Variants in LRRTM4 observed in about 807,000 individuals in gnomAD.
The protein encoded by LRRTM4 is leucine-rich repeat transmembrane neuronal protein 4.
LRRTM4 carries 25 observed loss-of-function variants against 47.6 expected under a neutral mutation model. The observed-to-expected ratio is 0.53, with a 90% CI of 0.38 to 0.73. The LOEUF (loss-of-function observed/expected upper bound fraction) is 0.73. Among genes scored for constraint, LRRTM4 ranks in the 30% least tolerant of loss-of-function variants. The probability of loss-of-function intolerance (pLI) is 0.00; values close to 1 mark genes in which losing one functional copy is unlikely to be tolerated. For synonymous variants in LRRTM4, 311 were observed against 269.5 expected, an observed-to-expected ratio of 1.15 and a Z score of -1.51; for missense variants, 638 against 713.4, an observed-to-expected ratio of 0.89 and a Z score of 1.20.
chr2:77,316,799 G>T (rs903040671), intron 3 of LRRTM4, among the ~76,000 whole-genome samples: 1 of 152,082 alleles, frequency 6.6e-6, no homozygotes, highest in Non-Finnish European at 1.5e-5. Context: ...ACCTGCCTTG[G>T]CCTCTCAAAA....
At chr2:77,520,611 C>A (rs114981286) in intron 2 of LRRTM4, among the ~76,000 whole-genome samples, 2 of 152,046 alleles carry the variant, frequency 1.3e-5, no homozygotes, top group Non-Finnish European at 2.9e-5. Flanking sequence ...TATCAAAATT[C>A]GTATTATTTG....
intron 2 of LRRTM4, among the ~76,000 whole-genome samples, 161 bp downstream of exon 2, chr2:77,521,507 G>GCAATATAAA (rs1407381748): frequency 1.3e-5 from 2 of 151,640 alleles, no homozygotes; most frequent in African/African-American, 4.8e-5. Context: ...AAAGGAAAAT[G>GCAATATAAA]ATCTAAAAAT....
At chr2:76,917,038 T>G (rs779494530) in intron 3 of LRRTM4, among the ~76,000 whole-genome samples, 2 of 152,200 alleles carry the variant, frequency 1.3e-5, no homozygotes, top group East Asian at 3.8e-4. Context: ...GTAGGTGCCC[T>G]TTGTTAATAC....
chr2:77,080,976 C>T (rs1680511006), intron 3 of LRRTM4, among the ~76,000 whole-genome samples: 1 of 152,154 alleles, frequency 6.6e-6, no homozygotes, highest in African/African-American at 2.4e-5. Context: ...CCAACCAATT[C>T]CCACAACCCA....
intron 3 of LRRTM4, among the ~76,000 whole-genome samples, chr2:76,932,702 A>G (rs1407382094): frequency 1.3e-5 from 2 of 152,104 alleles, no homozygotes; most frequent in Non-Finnish European, 2.9e-5. Context: ...TGTTATATAT[A>G]TGAATGTGTT....
chr2:77,492,552 C>T (rs973721117), intron 3 of LRRTM4, among the ~76,000 whole-genome samples: 1 of 152,124 alleles, frequency 6.6e-6, no homozygotes, highest in Non-Finnish European at 1.5e-5. Flanking sequence ...AGCCACTGCA[C>T]CTAGCTTCAC....
At chr2:76,829,528 T>A (rs1671276099) in intron 3 of LRRTM4, among the ~76,000 whole-genome samples, 1 of 115,916 alleles carries the variant, frequency 8.6e-6, no homozygotes, top group South Asian at 3.1e-4. Flanking sequence ...CATACTGTCA[T>A]GTAATTGCCT....
At chr2:77,299,148 C>T (rs907289162) in intron 3 of LRRTM4, among the ~76,000 whole-genome samples, 9 of 151,768 alleles carry the variant, frequency 5.9e-5, no homozygotes, top group African/African-American at 1.2e-4. Context: ...CATTTTAATA[C>T]GACACTCTAC....
intron 3 of LRRTM4, among the ~76,000 whole-genome samples, chr2:76,956,327 A>G (rs1402659143): frequency 6.6e-6 from 1 of 151,736 alleles, no homozygotes; most frequent in African/African-American, 2.4e-5. Context: ...AGAAAATTAA[A>G]CACATTTGGA....
At chr2:77,333,818 A>T (rs1400559538) in intron 3 of LRRTM4, among the ~76,000 whole-genome samples, 1 of 152,124 alleles carries the variant, frequency 6.6e-6, no homozygotes, top group East Asian at 1.9e-4. Flanking sequence ...CAGAATGGTA[A>T]TTCCACTGAC....
Position 76,937,896 on chromosome 2 carries a change from C to T in LRRTM4, c.1552-188980G>A, listed in dbSNP as rs148070857. Among the ~76,000 whole-genome samples, 410 of 152,042 alleles carry T rather than the reference C, an allele frequency of 2.7e-3. 3 individuals are homozygous for T. The highest frequency in any genetic ancestry group is 9.3e-3 in the African/African-American group (385 of 41,504). The stretch of plus-strand genomic sequence containing the variant: ...TATATATATATTTTTAAAAATGAAA[C>T]CTTAATACCAATTGCATAGTATCCT... On this transcript the variant is annotated intron_variant, in intron 3 of 3. Transcript: ENST00000409884.
intron 3 of LRRTM4, among the ~76,000 whole-genome samples, chr2:77,073,201 T>G (rs957781587): frequency 1.3e-5 from 2 of 152,066 alleles, no homozygotes; most frequent in African/African-American, 4.8e-5. Flanking sequence ...TAGTATGTTA[T>G]AGTTTACATA....
Position 76,952,798 on chromosome 2 carries a change from C to T in LRRTM4, c.1552-203882G>A, listed in dbSNP as rs1461536853. On this transcript the variant is annotated intron_variant, in intron 3 of 3. Coordinates refer to ENST00000409884, the MANE Select transcript of LRRTM4 (RefSeq NM_001134745.3). ...AAAACATGGTACCAATCTCGATGTC[C>T]GCCAGTGTGGGGGACTGGGTGTGGT... 4.0e-5 allele frequency among the ~76,000 whole-genome samples: 6 copies of T among 151,070 alleles called. No homozygotes were observed. The South Asian group carries it at 6.3e-4, about 16-fold the overall frequency.
intron 3 of LRRTM4, among the ~76,000 whole-genome samples, chr2:76,894,367 T>C (rs983413243): frequency 1.3e-4 from 20 of 152,050 alleles, no homozygotes; most frequent in Non-Finnish European, 7.4e-5. Flanking sequence ...TTTGTAAAAA[T>C]ACTGACTCAT....
At chr2:77,019,651 GC>G in intron 3 of LRRTM4, among the ~76,000 whole-genome samples, 1 of 152,194 alleles carries the variant, frequency 6.6e-6, no homozygotes, top group Admixed American at 6.5e-5. Flanking sequence ...TACATCAGTT[GC>G]AGATAAAGCC....
chr2:77,307,197 G>T (rs1677305851), intron 3 of LRRTM4, among the ~76,000 whole-genome samples: 1 of 151,854 alleles, frequency 6.6e-6, no homozygotes, highest in Non-Finnish European at 1.5e-5. Flanking sequence ...ACCGCGCCCG[G>T]CCCCCATATT....
At chr2:77,415,411 T>C (rs1349967917) in intron 3 of LRRTM4, among the ~76,000 whole-genome samples, 1 of 152,206 alleles carries the variant, frequency 6.6e-6, no homozygotes, top group African/African-American at 2.4e-5. Flanking sequence ...TCCTCAATTT[T>C]ATTCTTTGTC....
chr2:77,044,104 T>G, intron 3 of LRRTM4, among the ~76,000 whole-genome samples: 1 of 151,764 alleles, frequency 6.6e-6, no homozygotes, highest in East Asian at 1.9e-4. Flanking sequence ...TTAGATATTC[T>G]GAGGAAGGAC....
chr2:76,964,800 AT>A (rs1232894121), intron 3 of LRRTM4, among the ~76,000 whole-genome samples: 2 of 150,888 alleles, frequency 1.3e-5, no homozygotes, highest in Non-Finnish European at 3.0e-5. Flanking sequence ...ATAAAAAACA[AT>A]TAATAAAGAG....
Sources: gnomAD v4.1 joint callset for allele counts (sites outside exome capture counted in the v4.1 genomes callset) on GRCh38, gnomAD v4.1.1 for gene constraint, MANE v1.5 for transcripts, NCBI Gene and HGNC (gene_info 2026-07-23, HGNC 2026-07-21) for gene names.